SH3KBP1: variants seen among roughly 807,000 people sequenced by gnomAD.
The protein encoded by SH3KBP1 is SH3 domain containing kinase binding protein 1, also known as SH3 domain-containing kinase-binding protein 1.
SH3KBP1 carries 8 observed loss-of-function variants against 50.1 expected under a neutral mutation model. The ratio of observed to expected loss-of-function variants is 0.16; its 90% CI spans 0.09 to 0.29. The LOEUF (loss-of-function observed/expected upper bound fraction) is 0.29. Among genes scored for constraint, SH3KBP1 ranks in the 10% least tolerant of loss-of-function variants. The pLI is 1.00. For missense variants in SH3KBP1, 377 were observed against 535.2 expected, an observed-to-expected ratio of 0.70 and a Z score of 2.92; for synonymous variants, 227 against 218.6, an observed-to-expected ratio of 1.04 and a Z score of -0.34.
chrX:19,605,213 T>G (rs2067208598), intron 9 of SH3KBP1, among the ~76,000 whole-genome samples: 1 of 110,753 alleles, frequency 9.0e-6, no homozygotes, highest in Admixed American at 9.6e-5. Context: ...CTTTACCCAT[T>G]TGTTAAAAGA....
At chrX:19,867,458 T>A (rs2068942117) in intron 1 of SH3KBP1, among the ~76,000 whole-genome samples, 1 of 111,800 alleles carries the variant, frequency 8.9e-6, no homozygotes, top group Admixed American at 9.4e-5. Flanking sequence ...CCCCAATTGG[T>A]GGTGTCTTCC....
At position 19,546,009 on chromosome X, in the gene SH3KBP1, G is replaced by T; in HGVS notation, c.1536C>A (p.Pro512=). 1 of 1,209,854 alleles carries T rather than the reference G, an allele frequency of 8.3e-7. No individual in the cohort carries two copies. Among genetic ancestry groups the T allele is most frequent in the Non-Finnish European group, 1.1e-6 (1 of 894,030 alleles). ...AAATGTGTTCCTCCTTATCCTCTTC[G>T]GGACTTGGGGAGTCGAAGATATCAG... ...SSPDIFDSPS[P]EEDKEEHISL... The change falls in exon 15 of 18, where the codon CCC becomes CCA. Residue 512 remains proline (P), a synonymous_variant. Coordinates refer to ENST00000397821, the MANE Select transcript of SH3KBP1 (RefSeq NM_031892.3).
In SH3KBP1 at chrX:19,826,451, C is replaced by T. The variant is rs140896626; in HGVS notation, c.162+9674G>A. ...ACCCTGGCATTTTGGGAGGCCAAAG[C>T]GAAAGGATCACTTGAGCCCAGGAGG... is the stretch of plus-strand genomic sequence containing the variant. On this transcript the variant is annotated intron_variant, in intron 2 of 17. Transcript: ENST00000397821. 2.0e-3 allele frequency among the ~76,000 whole-genome samples: 217 copies of T among 109,880 alleles called. 1 individual carries two copies. The highest frequency in any genetic ancestry group is 6.4e-3 in the African/African-American group (193 of 30,077).
chrX:19,856,962 T>G (rs1010885624), intron 1 of SH3KBP1, among the ~76,000 whole-genome samples: 2 of 68,994 alleles, frequency 2.9e-5, no homozygotes, highest in Non-Finnish European at 2.5e-5. Flanking sequence ...TTTTTTTTTT[T>G]TTTTTTTTTT....
intron 5 of SH3KBP1, among the ~76,000 whole-genome samples, chrX:19,684,651 C>T (rs925284561): frequency 8.9e-6 from 1 of 112,339 alleles, no homozygotes; most frequent in African/African-American, 3.2e-5. Context: ...GACGGTTTCA[C>T]TAGCAAGACG....
intron 11 of SH3KBP1, 71 bp downstream of exon 11, chrX:19,591,996 G>T: frequency 1.2e-6 from 1 of 863,317 alleles, no homozygotes; most frequent in Admixed American, 2.2e-5. Flanking sequence ...TGGGTATTCT[G>T]GACTAGCCGT....
intron 12 of SH3KBP1, among the ~76,000 whole-genome samples, chrX:19,584,031 A>G (rs1301160085): frequency 6.4e-5 from 6 of 93,291 alleles, no homozygotes; most frequent in Admixed American, 2.7e-4. Flanking sequence ...AAATATATGA[A>G]TATATATTTG....
intron 2 of SH3KBP1, among the ~76,000 whole-genome samples, chrX:19,752,508 A>C (rs181716685): frequency 3.6e-5 from 4 of 112,585 alleles, no homozygotes; most frequent in African/African-American, 1.3e-4. Flanking sequence ...TATGATTCCA[A>C]TTATGTGAAA....
chrX:19,768,777 G>A (rs1282779382), intron 2 of SH3KBP1, among the ~76,000 whole-genome samples: 1 of 109,394 alleles, frequency 9.1e-6, no homozygotes, highest in Non-Finnish European at 1.9e-5. Context: ...CCCATGGTCT[G>A]ATTTATGGGT....
At chrX:19,691,215 C>G (rs994282917) in intron 5 of SH3KBP1, among the ~76,000 whole-genome samples, 3 of 108,146 alleles carry the variant, frequency 2.8e-5, no homozygotes, top group Admixed American at 1.0e-4. Context: ...TGCTAACATT[C>G]AAAAAGTAGG....
intron 12 of SH3KBP1, among the ~76,000 whole-genome samples, chrX:19,569,508 G>A (rs1380677232): frequency 8.9e-6 from 1 of 112,603 alleles, no homozygotes; most frequent in East Asian, 2.8e-4. Flanking sequence ...CCTGCCCTGC[G>A]GCCAAATAAA....
At chrX:19,801,370 T>G (rs2066886054) in intron 2 of SH3KBP1, among the ~76,000 whole-genome samples, 1 of 111,556 alleles carries the variant, frequency 9.0e-6, no homozygotes, top group Non-Finnish European at 1.9e-5. Flanking sequence ...ACCTCTAGCC[T>G]CCCAATTATG....
chrX:19,705,003 C>T (rs1834099369), intron 4 of SH3KBP1, among the ~76,000 whole-genome samples: 1 of 112,410 alleles, frequency 8.9e-6, no homozygotes, highest in South Asian at 3.6e-4. Context: ...TTTTGACATA[C>T]CTTGCCAAAT....
Position 19,594,536 on chromosome X carries a change from T to C in SH3KBP1, c.1057+413A>G, listed in dbSNP as rs1439036397. On this transcript the variant is annotated intron_variant, in intron 10 of 17. Coordinates refer to ENST00000397821, the MANE Select transcript of SH3KBP1 (RefSeq NM_031892.3). The stretch of plus-strand genomic sequence containing the variant: ...ATATCGAAAATTCAGCAACACTATA[T>C]ACGCACAACAATGCTATGACCTGTG... Among the ~76,000 whole-genome samples, 3 of 112,126 alleles carry C rather than the reference T, an allele frequency of 2.7e-5. No homozygotes were observed. In the East Asian group the frequency reaches 8.3e-4, roughly 31 times the overall value.
intron 8 of SH3KBP1, among the ~76,000 whole-genome samples, chrX:19,609,176 G>A (rs1408762879): frequency 8.9e-6 from 1 of 111,773 alleles, no homozygotes; most frequent in South Asian, 3.8e-4. Context: ...TTTTCAACTG[G>A]TTGGAAGTCC....
chrX:19,538,175 A>T (rs1049602633), intron 16 of SH3KBP1, among the ~76,000 whole-genome samples: 7 of 111,694 alleles, frequency 6.3e-5, no homozygotes, highest in African/African-American at 2.3e-4. Flanking sequence ...CCATTCCTTT[A>T]TTACAAAATC....
intron 1 of SH3KBP1, among the ~76,000 whole-genome samples, chrX:19,864,055 A>G (rs1423085015): frequency 9.0e-6 from 1 of 110,723 alleles, no homozygotes; most frequent in Non-Finnish European, 1.9e-5. Context: ...CTTCACAGCC[A>G]TCCATCCCCA....
chrX:19,702,310 C>T lies in SH3KBP1; in HGVS notation c.390+4571G>A, dbSNP rs760757900. 5.4e-5 allele frequency among the ~76,000 whole-genome samples: 6 copies of T among 111,733 alleles called. No individual in the cohort carries two copies. In the East Asian group the frequency reaches 1.7e-3, roughly 31 times the overall value. ...ATCCACACCCACAAAAGTTGTCTGA[C>T]TGATTTAAAGTTTTGATGACGTTCA... On this transcript the variant is annotated intron_variant, in intron 4 of 17. Coordinates refer to ENST00000397821, the MANE Select transcript of SH3KBP1 (RefSeq NM_031892.3).
intron 1 of SH3KBP1, among the ~76,000 whole-genome samples, chrX:19,872,270 A>AAG (rs762701999): frequency 6.0e-5 from 5 of 83,728 alleles, no homozygotes; most frequent in African/African-American, 1.5e-4. Flanking sequence ...AAAAAAAAAA[A>AAG]AAAGAAAGAA....
Sources: allele counts gnomAD v4.1 joint callset (sites outside exome capture counted in the v4.1 genomes callset), GRCh38; gene constraint gnomAD v4.1.1; transcripts MANE v1.5; gene names NCBI Gene and HGNC (gene_info 2026-07-23, HGNC 2026-07-21).